The following MKLN1 variants were observed in gnomAD, a reference collection of about 807,000 sequenced individuals.
MKLN1 encodes muskelin.
A neutral mutation model predicts 99.0 loss-of-function variants in MKLN1; 18 were observed. That is an observed-to-expected ratio of 0.18 (90% CI 0.13 to 0.27). The LOEUF (loss-of-function observed/expected upper bound fraction) is 0.27, where lower values mean the gene tolerates loss of function less well. Ranked by LOEUF, MKLN1 falls within the 10% of genes least tolerant of loss-of-function variation. The probability of loss-of-function intolerance (pLI) is 1.00; values close to 1 mark genes in which losing one functional copy is unlikely to be tolerated. For synonymous variants in MKLN1, 288 were observed against 293.2 expected (o/e 0.98, Z 0.18); for missense variants, 621 against 875.9 (o/e 0.71, Z 3.67).
chr7:131,185,619 G>A (rs899073010), intron 2 of MKLN1, among the ~76,000 whole-genome samples: 1 of 151,994 alleles, frequency 6.6e-6, no homozygotes, highest in Non-Finnish European at 1.5e-5. Flanking sequence ...CCCAGGAGTA[G>A]AAATGGATTT....
chr7:131,261,191 A>G (rs565798405), intron 3 of MKLN1, among the ~76,000 whole-genome samples: 24 of 152,370 alleles, frequency 1.6e-4, no homozygotes, highest in Admixed American at 7.2e-4. Context: ...AGAAACTATC[A>G]ACCAAGTAAA....
intron 1 of MKLN1, among the ~76,000 whole-genome samples, chr7:131,370,841 A>C (rs947846679): frequency 2.8e-4 from 43 of 152,198 alleles, no homozygotes; most frequent in African/African-American, 9.4e-4. Flanking sequence ...GCTAGGGCCA[A>C]GCTTTTGTAA....
intron 8 of MKLN1, among the ~76,000 whole-genome samples, chr7:131,423,852 A>C (rs1464113992): frequency 6.6e-6 from 1 of 152,244 alleles, no homozygotes; most frequent in Non-Finnish European, 1.5e-5. Flanking sequence ...ATATTGTCAT[A>C]GGCATAACAA....
intron 2 of MKLN1, among the ~76,000 whole-genome samples, chr7:131,143,445 G>A (rs768778016): frequency 2.8e-4 from 43 of 151,922 alleles, no homozygotes; most frequent in Non-Finnish European, 4.9e-4. Context: ...CAGCCCAGGC[G>A]ACAGTGCGAG....
intron 2 of MKLN1, among the ~76,000 whole-genome samples, chr7:131,179,277 C>T (rs1286362875): frequency 6.6e-6 from 1 of 152,202 alleles, no homozygotes; most frequent in African/African-American, 2.4e-5. Context: ...CTCCCTTAAG[C>T]AGGGCTGGAA....
intron 2 of MKLN1, among the ~76,000 whole-genome samples, chr7:131,195,421 G>T (rs1198352339): frequency 6.6e-6 from 1 of 151,946 alleles, no homozygotes; most frequent in Non-Finnish European, 1.5e-5. Context: ...TGAGGCAGGA[G>T]AATCGCTTGA....
intron 3 of MKLN1, among the ~76,000 whole-genome samples, chr7:131,304,045 C>T (rs1169761222): frequency 1.3e-5 from 2 of 152,054 alleles, no homozygotes; most frequent in African/African-American, 4.8e-5. Flanking sequence ...TGTATGTGTA[C>T]AATATAGGTA....
chr7:131,470,745 CATACTCAGT>C, intron 15 of MKLN1, 88 bp from the exon 16 acceptor site: 1 of 782,828 alleles, frequency 1.3e-6, no homozygotes, highest in Non-Finnish European at 2.2e-6. Flanking sequence ...AACAACTCCT[CATACTCAGT>C]ATAACAGTGT....
At chr7:131,268,384 T>C (rs900946048) in intron 3 of MKLN1, among the ~76,000 whole-genome samples, 3 of 152,188 alleles carry the variant, frequency 2.0e-5, no homozygotes, top group Non-Finnish European at 4.4e-5. Flanking sequence ...ATTGGTCAGA[T>C]AGGCTAATTG....
chr7:131,359,587 G>A (rs1463627568), intron 1 of MKLN1, among the ~76,000 whole-genome samples: 1 of 152,092 alleles, frequency 6.6e-6, no homozygotes, highest in African/African-American at 2.4e-5. Flanking sequence ...GGATATTGAT[G>A]TGTCCAATTA....
intron 3 of MKLN1, among the ~76,000 whole-genome samples, chr7:131,223,514 G>C (rs1317542570): frequency 6.6e-6 from 1 of 152,176 alleles, no homozygotes; most frequent in Non-Finnish European, 1.5e-5. Context: ...ACCCTGACTT[G>C]TGTTGCGGGA....
intron 3 of MKLN1, among the ~76,000 whole-genome samples, chr7:131,282,298 G>A (rs1275478809): frequency 4.2e-5 from 6 of 144,378 alleles, no homozygotes; most frequent in East Asian, 4.0e-4. Context: ...GTGGTGAGCC[G>A]AGATAGTGCC....
intron 1 of MKLN1, among the ~76,000 whole-genome samples, chr7:131,351,414 C>G (rs1799716230): frequency 6.6e-6 from 1 of 152,036 alleles, no homozygotes; most frequent in African/African-American, 2.4e-5. Context: ...CTCTATTTGT[C>G]ATGCTTTATA....
intron 1 of MKLN1, among the ~76,000 whole-genome samples, chr7:131,341,529 G>A (rs1263951366): frequency 6.6e-6 from 1 of 152,026 alleles, no homozygotes; most frequent in African/African-American, 2.4e-5. Flanking sequence ...CCTTCTTATT[G>A]CTGGTAAGTA....
At chr7:131,115,493 C>T (rs1355720455) in intron 1 of MKLN1, among the ~76,000 whole-genome samples, 1 of 152,182 alleles carries the variant, frequency 6.6e-6, no homozygotes, top group Admixed American at 6.5e-5. Context: ...CCTCATTCAC[C>T]ACAGCACAGC....
At chr7:131,129,915 A>G (rs868223350) in intron 1 of MKLN1, among the ~76,000 whole-genome samples, 8 of 152,338 alleles carry the variant, frequency 5.3e-5, no homozygotes, top group Middle Eastern at 3.4e-3. Context: ...AGAAAAAAAG[A>G]AAGACTGACC....
At chr7:131,116,575 A>G (rs1795281154) in intron 1 of MKLN1, among the ~76,000 whole-genome samples, 1 of 152,104 alleles carries the variant, frequency 6.6e-6, no homozygotes, top group Non-Finnish European at 1.5e-5. Flanking sequence ...TTATTATTAG[A>G]ATAAAAAAAT....
chr7:131,484,750 A>G (rs1215776146), intron 17 of MKLN1, among the ~76,000 whole-genome samples: 1 of 152,174 alleles, frequency 6.6e-6, no homozygotes, highest in Non-Finnish European at 1.5e-5. Context: ...ATAGTCTACA[A>G]ACAAAAGCAA....
intron 1 of MKLN1, among the ~76,000 whole-genome samples, chr7:131,124,815 G>A (rs1795429064): frequency 6.6e-6 from 1 of 152,180 alleles, no homozygotes; most frequent in Non-Finnish European, 1.5e-5. Flanking sequence ...GCTGTATTCT[G>A]CTGCCTACAC....
Sources: allele counts gnomAD v4.1 joint callset (sites outside exome capture counted in the v4.1 genomes callset), GRCh38; gene constraint gnomAD v4.1.1; transcripts MANE v1.5; gene names NCBI Gene and HGNC (gene_info 2026-07-23, HGNC 2026-07-21).